Variants in PARP8 observed in about 807,000 individuals in gnomAD.
PARP8 encodes the protein protein mono-ADP-ribosyltransferase PARP8.
In PARP8, 51 loss-of-function variants were observed where a neutral mutation model predicts 124.1. That is an observed-to-expected ratio of 0.41 (90% confidence interval 0.33 to 0.52). PARP8 has a LOEUF of 0.52. Ranked by LOEUF, PARP8 falls within the 20% of genes least tolerant of loss-of-function variation. PARP8 has a pLI of 0.21. For missense variants in PARP8, 860 were observed against 1,018.9 expected (o/e 0.84, Z 2.12); for synonymous variants, 391 against 361.5 (o/e 1.08, Z -0.93).
chr5:50,667,502 G>A (rs1749442655), intron 1 of PARP8: 1 of 697,764 alleles, frequency 1.4e-6, no homozygotes, highest in African/African-American at 1.8e-5. Flanking sequence ...CTCCAAGCAC[G>A]CTTCCTGGGT....
rs1749523320 is a variant in PARP8 at position 50,667,834 on chromosome 5, T to G, written c.92-237T>G. 51 of 1,245,958 alleles carry G rather than the reference T, an allele frequency of 4.1e-5. No homozygotes were observed. In the South Asian group the frequency reaches 5.6e-4, roughly 14 times the overall value. The allele number at this position is 1,245,958 out of a possible 1,614,324, so 77.2% of individuals were successfully genotyped here. On this transcript the variant is annotated intron_variant, in intron 1 of 25. Transcript: ENST00000281631. The stretch of plus-strand genomic sequence containing the variant: ...GCTTCCGGCCTCCCCTATCGGGAAA[T>G]TCCCGCTGTTGCCATGGCACCCGGC...
rs200662886 is a variant in PARP8, at chr5:50,826,040, CATT to C, written c.1929-714_1929-712del. Among the ~76,000 whole-genome samples, 510 of 152,006 alleles carry C rather than the reference CATT, an allele frequency of 3.4e-3. 5 individuals carry two copies. Among genetic ancestry groups the C allele is most frequent in the African/African-American group, 0.011 (475 of 41,496 alleles). ...TCCATTGTAACCTTTAAATTTTTCT[CATT>C]GTTATATTCAGATTGAAGGTAAAAA... is the stretch of plus-strand genomic sequence containing the variant. On this transcript the variant is annotated intron_variant, in intron 18 of 25. Transcript: ENST00000281631.
At chr5:50,824,816 A>ATTAG in intron 17 of PARP8, 92 bp from the exon 18 acceptor site, 1 of 954,336 alleles carries the variant, frequency 1.0e-6, no homozygotes, top group South Asian at 1.3e-5. Context: ...GTCTTACTAG[A>ATTAG]TTAGGCATAT....
rs527592230 is a variant in PARP8, at chr5:50,761,711, A to G, written c.346-110A>G. 53 of 645,250 alleles carry G rather than the reference A, an allele frequency of 8.2e-5. No individual in the cohort carries two copies. In the African/African-American group the frequency reaches 9.1e-4, roughly 11 times the overall value. 40.0% of individuals were successfully genotyped at this position (645,250 alleles called of 1,614,324 possible). On this transcript the variant is annotated intron_variant, in intron 5 of 25. Coordinates refer to ENST00000281631, the MANE Select transcript of PARP8 (RefSeq NM_024615.4). ...GTTTTACTGCACCAAGATGTTTTAT[A>G]TATAAAATCCATAATATATGCTCAA...
chr5:50,817,691 A>G (rs575816034), intron 15 of PARP8, among the ~76,000 whole-genome samples: 15 of 152,158 alleles, frequency 9.9e-5, no homozygotes, highest in Non-Finnish European at 1.6e-4. Context: ...AGTATTGGAC[A>G]ATGATTGGTT....
intron 2 of PARP8, among the ~76,000 whole-genome samples, chr5:50,690,490 C>A (rs1405405396): frequency 6.6e-6 from 1 of 152,158 alleles, no homozygotes; most frequent in Non-Finnish European, 1.5e-5. Context: ...TGGTTATTCT[C>A]CCTCCTTTTT....
intron 2 of PARP8, among the ~76,000 whole-genome samples, chr5:50,722,054 T>C (rs1456149176): frequency 1.3e-5 from 2 of 152,170 alleles, no homozygotes; most frequent in East Asian, 3.9e-4. Flanking sequence ...CTTTTTTGTG[T>C]GTCCAATTAA....
intron 7 of PARP8, among the ~76,000 whole-genome samples, chr5:50,767,019 T>C (rs1486022029): frequency 6.6e-6 from 1 of 152,168 alleles, no homozygotes; most frequent in Admixed American, 6.5e-5. Context: ...TGTATTTCCT[T>C]TCACTCTTTA....
At chr5:50,841,928 T>C (rs1304210481) in intron 25 of PARP8, 38 bp from the exon 26 acceptor site, 32 of 1,440,420 alleles carry the variant, frequency 2.2e-5, no homozygotes, top group Non-Finnish European at 2.8e-5. Context: ...GCTGCCATCT[T>C]TTAAAATGTT....
At chr5:50,747,213 A>T (rs1459531698) in intron 2 of PARP8, among the ~76,000 whole-genome samples, 1 of 123,436 alleles carries the variant, frequency 8.1e-6, no homozygotes, top group Non-Finnish European at 1.6e-5. Context: ...AGTACTGAGC[A>T]GCATGCCAGG....
chr5:50,718,483 A>G (rs1419775047), intron 2 of PARP8, among the ~76,000 whole-genome samples: 1 of 151,832 alleles, frequency 6.6e-6, no homozygotes, highest in Non-Finnish European at 1.5e-5. Context: ...ATACAATTAT[A>G]TATGTAATTT....
At chr5:50,707,786 C>G (rs1754313236) in intron 2 of PARP8, among the ~76,000 whole-genome samples, 1 of 152,002 alleles carries the variant, frequency 6.6e-6, no homozygotes, top group African/African-American at 2.4e-5. Flanking sequence ...ATTACAAAAC[C>G]AAACAGTACT....
intron 14 of PARP8, among the ~76,000 whole-genome samples, chr5:50,804,339 C>T (rs111838074): frequency 0.016 from 2,376 of 152,232 alleles, 67 homozygotes; most frequent in African/African-American, 0.055. Flanking sequence ...GAATCAGTTC[C>T]GTTCTGCTCC....
chr5:50,824,186 A>G (rs893884354), intron 17 of PARP8, among the ~76,000 whole-genome samples: 5 of 152,344 alleles, frequency 3.3e-5, no homozygotes, highest in South Asian at 2.1e-4. Context: ...GTAAAGGTCT[A>G]TACCTAAGTC....
At chr5:50,702,796 A>G (rs1753728412) in intron 2 of PARP8, among the ~76,000 whole-genome samples, 1 of 152,192 alleles carries the variant, frequency 6.6e-6, no homozygotes, top group Non-Finnish European at 1.5e-5. Flanking sequence ...AACAACCATT[A>G]GGTAAACACG....
At chr5:50,710,541 A>G (rs1340514176) in intron 2 of PARP8, among the ~76,000 whole-genome samples, 2 of 152,118 alleles carry the variant, frequency 1.3e-5, no homozygotes, top group African/African-American at 4.8e-5. Flanking sequence ...TTTATTTAGA[A>G]GAATCAGAGA....
chr5:50,717,632 A>G (rs1309833144), intron 2 of PARP8, among the ~76,000 whole-genome samples: 1 of 151,994 alleles, frequency 6.6e-6, no homozygotes, highest in Non-Finnish European at 1.5e-5. Context: ...GAATATTCCC[A>G]TAATTTAGAG....
At chr5:50,834,184 ATGC>A in intron 24 of PARP8, 136 bp downstream of exon 24, 2 of 689,864 alleles carry the variant, frequency 2.9e-6, no homozygotes, top group Admixed American at 2.9e-5. Flanking sequence ...AAGGGCACAA[ATGC>A]AAAAACGGGT....
chr5:50,712,994 T>G (rs1413081983), intron 2 of PARP8, among the ~76,000 whole-genome samples: 2 of 152,010 alleles, frequency 1.3e-5, no homozygotes, highest in African/African-American at 4.8e-5. Context: ...ATTCAGTGTT[T>G]CTGTGGCAAT....
Sources: allele counts gnomAD v4.1 joint callset (sites outside exome capture counted in the v4.1 genomes callset), GRCh38; gene constraint gnomAD v4.1.1; transcripts MANE v1.5; gene names NCBI Gene and HGNC (gene_info 2026-07-23, HGNC 2026-07-21).